NCAN: variants seen among roughly 807,000 people sequenced by gnomAD.
NCAN encodes the protein neurocan, also known as neurocan core protein.
A neutral mutation model predicts 121.8 loss-of-function variants in NCAN; 47 were observed. That is an observed-to-expected ratio of 0.39 (90% CI 0.31 to 0.49). The LOEUF (loss-of-function observed/expected upper bound fraction) is 0.49. Among genes scored for constraint, NCAN ranks in the 20% least tolerant of loss-of-function variants. The pLI is 0.92. For missense variants in NCAN, 1,517 were observed against 1,773.4 expected (o/e 0.86, Z 2.60); for synonymous variants, 633 against 702.0 (o/e 0.90, Z 1.55).
Position 19,225,093 on chromosome 19 carries a change from G to A in NCAN, c.895G>A (p.Glu299Lys), listed in dbSNP as rs1164500773. ...GGGACAGCTGCACCTGGCCTGGCAT[G>A]AGGGCCTGGACCAGTGCGACCCGGG... ...SVGQLHLAWH[E>K]GLDQCDPGWL... The change falls in exon 6 of 15, where the codon GAG becomes AAG. Residue 299 changes from glutamate to lysine, a missense_variant. Transcript: ENST00000252575. This position sits in a 1 kb window ranked among gnomAD's most constrained non-coding sequence, Gnocchi z 4.0. 6.5e-7 allele frequency: 1 copy of A among 1,534,684 alleles called. No homozygotes were observed. Among genetic ancestry groups the A allele is most frequent in the Non-Finnish European group, 8.7e-7 (1 of 1,148,598 alleles).
rs190135852 is a variant in NCAN at position 19,236,914 on chromosome 19, C to A, written c.3251-1339C>A. On this transcript the variant is annotated intron_variant, in intron 10 of 14. Transcript: ENST00000252575. ...TGGCTAATTTTTATTTTTTTAATTT[C>A]TTTTTATTTTTATTTTTTGAGACAG... Among the ~76,000 whole-genome samples the A allele has an allele frequency of 2.5e-3, 374 of 151,638 alleles. 1 individual carries two copies. The highest frequency in any genetic ancestry group is 3.4e-3 in the African/African-American group (141 of 41,366).
At position 19,225,380 on chromosome 19, in the gene NCAN, G is replaced by A. The variant is rs2060832327; in HGVS notation, c.1072+110G>A. ...AGAGACACATGGAAGCTCGCTTTGT[G>A]ATAAGCCACATCCCTGGGTGAGGGC... On this transcript the variant is annotated intron_variant, in intron 6 of 14. Transcript: ENST00000252575. The surrounding 1 kb of genome is among the most constrained non-coding windows in gnomAD (Gnocchi z 4.0). 2 of 1,309,232 alleles carry A rather than the reference G, an allele frequency of 1.5e-6. No homozygotes were observed. Among genetic ancestry groups the A allele is most frequent in the African/African-American group, 1.6e-5 (1 of 63,540 alleles). 81.1% of individuals were successfully genotyped at this position (1,309,232 alleles called of 1,614,324 possible).
At position 19,224,098 on chromosome 19, in the gene NCAN, A is replaced by G. The variant is rs370349783; in HGVS notation, c.553A>G (p.Ser185Gly). Residue 185 changes from serine to glycine, a missense_variant, in exon 4 of 15, where the codon AGC (serine) becomes GGC (glycine). Transcript: ENST00000252575. ...FAEAQEACRL[S>G]SAIIAAPRHL... ...TGAGGCCCAGGAGGCCTGCCGTCTC[A>G]GCTCAGCCATCATTGCAGCCCCTCG... 7 of 1,607,528 alleles carry G rather than the reference A, an allele frequency of 4.4e-6. No homozygotes were observed. Among genetic ancestry groups the G allele is most frequent in the Non-Finnish European group, 6.0e-6 (7 of 1,174,864 alleles).
chr19:19,249,542 A>G (rs1324570351), intron 14 of NCAN, among the ~76,000 whole-genome samples: 3 of 151,430 alleles, frequency 2.0e-5, no homozygotes, highest in Non-Finnish European at 2.9e-5. Context: ...TAATTTTTTT[A>G]TTTTTGTAGA....
Position 19,235,662 on chromosome 19 carries a change from C to T in NCAN, c.3250+566C>T, listed in dbSNP as rs142240489. ...CACAATCTCAGCTCACTGCAACCTC[C>T]AACTCCCTGGTCCAAGTGATTCTCC... On this transcript the variant is annotated intron_variant, in intron 10 of 14. Coordinates refer to ENST00000252575, the MANE Select transcript of NCAN (RefSeq NM_004386.3). Among the ~76,000 whole-genome samples the T allele has an allele frequency of 1.1e-3, 171 of 151,512 alleles. 1 individual carries two copies. The East Asian group carries it at 0.028, about 25-fold the overall frequency.
intron 13 of NCAN, among the ~76,000 whole-genome samples, 185 bp downstream of exon 13, chr19:19,245,642 T>C (rs2060921773): frequency 6.6e-6 from 1 of 152,124 alleles, no homozygotes; most frequent in Admixed American, 6.5e-5. Context: ...CATGCCCAGC[T>C]AATTTTTGTA....
Position 19,213,092 on chromosome 19 carries a change from G to C in NCAN, c.-8+1028G>C, listed in dbSNP as rs560757732. Among the ~76,000 whole-genome samples the C allele has an allele frequency of 2.0e-5, 3 of 152,312 alleles. No individual in the cohort carries two copies. In the East Asian group the frequency reaches 5.8e-4, roughly 29 times the overall value. Reference sequence around the variant, plus strand: ...AGGCAGCATCAATGAGAAACAGCCAGGCCAGGGAGAGGGTTGGCTCTGGGC... The same window carrying C: ...AGGCAGCATCAATGAGAAACAGCCACGCCAGGGAGAGGGTTGGCTCTGGGC... On this transcript the variant is annotated intron_variant, in intron 1 of 14. Coordinates refer to ENST00000252575, the MANE Select transcript of NCAN (RefSeq NM_004386.3).
rs1472379313 is a variant in NCAN, at chr19:19,250,930, A to G, written c.*1019A>G. On this transcript the variant is annotated 3_prime_UTR_variant, in exon 15 of 15. Transcript: ENST00000252575. The stretch of plus-strand genomic sequence containing the variant: ...GAAGTAGTGACACCTACCTGCGGTC[A>G]TATTGTAGAGAGATGCTCAGTGTTA... 6.6e-6 allele frequency: 1 copy of G among 152,342 alleles called. No individual in the cohort carries two copies. The highest frequency in any genetic ancestry group is 1.5e-5 in the Non-Finnish European group (1 of 68,110). 9.4% of individuals were successfully genotyped at this position (152,342 alleles called of 1,614,324 possible). A position where few individuals can be genotyped will look rare whatever the true frequency, so the allele number is the denominator to read the frequency against.
At chr19:19,216,841 C>T in intron 1 of NCAN, 106 bp from the exon 2 acceptor site, 1 of 578,764 alleles carries the variant, frequency 1.7e-6, no homozygotes, top group Non-Finnish European at 2.8e-6. Flanking sequence ...CTCTCTGAGC[C>T]CTGGTTTCCT....
intron 3 of NCAN, among the ~76,000 whole-genome samples, chr19:19,221,516 C>T (rs1012397009): frequency 4.6e-5 from 7 of 151,688 alleles, no homozygotes; most frequent in Admixed American, 6.6e-5. Context: ...TGAGGTGAGC[C>T]GAGATTGTGC....
intron 14 of NCAN, among the ~76,000 whole-genome samples, chr19:19,249,285 G>A (rs181970070): frequency 6.6e-6 from 1 of 152,252 alleles, no homozygotes; most frequent in African/African-American, 2.4e-5. Context: ...TGGCCAGGCT[G>A]ATCTCGAACT....
Position 19,219,057 on chromosome 19 carries a change from T to C in NCAN, c.216T>C (p.Asp72=). Residue 72 remains aspartate, a synonymous_variant, in exon 3 of 15, where the codon GAT becomes GAC. Transcript: ENST00000252575. ...TLQPRPSAAR[D]APRIKWTKVR... ...AGCCACGGCCAAGCGCAGCCCGAGA[T>C]GCCCCTCGGATAAAGTGGACCAAGG... 1.2e-6 allele frequency: 2 copies of C among 1,612,278 alleles called. No individual in the cohort carries two copies. Among genetic ancestry groups the C allele is most frequent in the East Asian group, 2.2e-5 (1 of 44,854 alleles).
rs1429740002 is a variant in NCAN at position 19,251,504 on chromosome 19, T to C, written c.*1593T>C. 1 of 152,208 alleles carries C rather than the reference T, an allele frequency of 6.6e-6. No individual in the cohort carries two copies. Among genetic ancestry groups the C allele is most frequent in the African/African-American group, 2.4e-5 (1 of 41,442 alleles). 9.4% of individuals were successfully genotyped at this position (152,208 alleles called of 1,614,324 possible). On this transcript the variant is annotated 3_prime_UTR_variant, in exon 15 of 15. Coordinates refer to ENST00000252575, the MANE Select transcript of NCAN (RefSeq NM_004386.3). ...CCACGACAGGAGTAAGGATTTGGAA[T>C]AAGGATTTGGTCCTGTTTTCTGGAC...
chr19:19,234,449 A>G (rs547054457), intron 9 of NCAN, among the ~76,000 whole-genome samples: 22 of 152,270 alleles, frequency 1.4e-4, no homozygotes, highest in Non-Finnish European at 2.9e-4. Context: ...TTGCTTCCCT[A>G]CTCACAATCA....
At chr19:19,237,392 G>A (rs2060885045) in intron 10 of NCAN, among the ~76,000 whole-genome samples, 1 of 151,902 alleles carries the variant, frequency 6.6e-6, no homozygotes, top group Non-Finnish European at 1.5e-5. Flanking sequence ...GGGAGGCTGA[G>A]GCAGGAGAAT....
rs776776227 is a variant in NCAN, at chr19:19,218,934, T to C, written c.93T>C (p.Asp31=). Residue 31 remains aspartate (D), a synonymous_variant, in exon 3 of 15, where the codon GAT becomes GAC. Coordinates refer to ENST00000252575, the MANE Select transcript of NCAN (RefSeq NM_004386.3). ...AGEQGTQDIT[D]ASERGLHMQK... is the part of the protein sequence containing the mutation. ...ACCCAGGCACACAGGATATCACCGATGCCAGCGAAAGGGGGCTCCACATGC... is the reference window on the plus strand; with the variant it reads ...ACCCAGGCACACAGGATATCACCGACGCCAGCGAAAGGGGGCTCCACATGC... 1.3e-6 allele frequency: 2 copies of C among 1,521,470 alleles called. No individual in the cohort carries two copies. The highest frequency in any genetic ancestry group is 1.8e-6 in the Non-Finnish European group (2 of 1,133,512). 94.2% of individuals were successfully genotyped at this position (1,521,470 alleles called of 1,614,324 possible). A position where few individuals can be genotyped will look rare whatever the true frequency, so the allele number is the denominator to read the frequency against.
chr19:19,214,216 A>T (rs2060787705), intron 1 of NCAN, among the ~76,000 whole-genome samples: 2 of 149,284 alleles, frequency 1.3e-5, no homozygotes, highest in Admixed American at 1.3e-4. Context: ...ACACACACAC[A>T]CTCACACACA....
chr19:19,228,735 C>T (rs1226967902), intron 8 of NCAN, 96 bp downstream of exon 8: 4 of 1,382,708 alleles, frequency 2.9e-6, no homozygotes, highest in Non-Finnish European at 3.9e-6. Flanking sequence ...AATGGTTGTC[C>T]CTGGGGATCT....
At chr19:19,217,411 G>A (rs2146536072) in intron 2 of NCAN, among the ~76,000 whole-genome samples, 1 of 152,336 alleles carries the variant, frequency 6.6e-6, no homozygotes. Context: ...GATTTGGTCT[G>A]TGACCTTAGG....
Sources: allele counts gnomAD v4.1 joint callset (sites outside exome capture counted in the v4.1 genomes callset), GRCh38; gene constraint gnomAD v4.1.1; non-coding constraint Gnocchi (gnomAD v3.1); transcripts MANE v1.5; gene names NCBI Gene and HGNC (gene_info 2026-07-23, HGNC 2026-07-21).